XDH: variants seen among roughly 807,000 people sequenced by gnomAD.
XDH encodes the protein xanthine dehydrogenase.
Under a neutral mutation model 156.1 loss-of-function variants are expected in XDH, and 138 were observed. The ratio of observed to expected loss-of-function variants is 0.88; its 90% CI spans 0.77 to 1.02. XDH has a LOEUF of 1.02. Ranked by LOEUF, XDH falls within the 50% of genes least tolerant of loss-of-function variation. The pLI is 0.00. For missense variants in XDH, 1,849 were observed against 1,684.9 expected, an observed-to-expected ratio of 1.10 and a Z score of -1.71; for synonymous variants, 669 against 625.7, an observed-to-expected ratio of 1.07 and a Z score of -1.03.
rs754244569 is a variant in XDH at position 31,377,144 on chromosome 2, T to C, written c.1336A>G (p.Thr446Ala). ...AGGGCCAGCTCCTGTACCTCTGTGG[T>C]TCCTGGCTTGAATAAAACTCTCATG... ...SGMRVLFKPG[T>A]TEVQELALCY... is the part of the protein sequence containing the mutation. The change falls in exon 14 of 36, where the codon ACC becomes GCC. Residue 446 changes from threonine to alanine, a missense_variant. Transcript: ENST00000379416. 2 of 1,614,176 alleles carry C rather than the reference T, an allele frequency of 1.2e-6. No individual in the cohort carries two copies. Among genetic ancestry groups the C allele is most frequent in the East Asian group, 2.2e-5 (1 of 44,882 alleles).
intron 31 of XDH, among the ~76,000 whole-genome samples, chr2:31,342,734 GGT>G (rs1457130050): frequency 9.9e-5 from 1 of 10,100 alleles, no homozygotes; most frequent in Non-Finnish European, 1.6e-4. Context: ...ACCTTCTCAA[GGT>G]GAGAAAGTTA....
At chr2:31,375,219 A>C (rs1320803561) in intron 15 of XDH, among the ~76,000 whole-genome samples, 161 bp downstream of exon 15, 2 of 151,772 alleles carry the variant, frequency 1.3e-5, no homozygotes, top group Non-Finnish European at 2.9e-5. Context: ...CCTCTAAGCC[A>C]GCTGGTCACT....
In XDH at chr2:31,384,041, G is replaced by A. The variant is rs551896839; in HGVS notation, c.794-194C>T. ...TGGGATTAGATGCAGTCTTTGGACT[G>A]TCAGCCCAAAACTAGGTCTTTCTTT... On this transcript the variant is annotated intron_variant, in intron 9 of 35. Transcript: ENST00000379416. 6 of 610,248 alleles carry A rather than the reference G, an allele frequency of 9.8e-6. No homozygotes were observed. In the African/African-American group the frequency reaches 1.1e-4, roughly 11 times the overall value. The allele number at this position is 610,248 out of a possible 1,614,324, so 37.8% of individuals were successfully genotyped here.
chr2:31,381,953 G>T (rs1427004890), intron 11 of XDH, among the ~76,000 whole-genome samples: 1 of 152,188 alleles, frequency 6.6e-6, no homozygotes, highest in African/African-American at 2.4e-5. Flanking sequence ...TAAAATTTTA[G>T]CAGGCAAGCC....
chr2:31,348,827 G>T (rs1244262421), intron 27 of XDH, 72 bp downstream of exon 27: 3 of 1,405,198 alleles, frequency 2.1e-6, no homozygotes, highest in East Asian at 2.3e-5. Flanking sequence ...AATTTCCCTT[G>T]CAATACTGTA....
At chr2:31,361,341 T>G (rs1685771884) in intron 24 of XDH, among the ~76,000 whole-genome samples, 1 of 152,248 alleles carries the variant, frequency 6.6e-6, no homozygotes, top group Non-Finnish European at 1.5e-5. Flanking sequence ...ATTTCAGACT[T>G]TAGCCAGTTT....
intron 11 of XDH, among the ~76,000 whole-genome samples, chr2:31,382,695 G>T (rs1686471004): frequency 6.6e-6 from 1 of 152,176 alleles, no homozygotes; most frequent in South Asian, 2.1e-4. Context: ...GGGGAGGGAG[G>T]CAGGAAGCCT....
chr2:31,401,537 G>A (rs908807964), intron 3 of XDH, among the ~76,000 whole-genome samples: 2 of 152,182 alleles, frequency 1.3e-5, no homozygotes, highest in Non-Finnish European at 2.9e-5. Flanking sequence ...GTAAAGCTGA[G>A]CCCCTCCAGA....
chr2:31,349,413 G>A (rs1685395534), intron 26 of XDH, among the ~76,000 whole-genome samples: 1 of 152,162 alleles, frequency 6.6e-6, no homozygotes, highest in Admixed American at 6.5e-5. Flanking sequence ...TCCTAGGCCA[G>A]TGTTCTTTAT....
intron 2 of XDH, among the ~76,000 whole-genome samples, chr2:31,404,046 G>A (rs924445206): frequency 9.9e-5 from 15 of 151,962 alleles, no homozygotes; most frequent in Non-Finnish European, 2.1e-4. Flanking sequence ...AGAATGATTT[G>A]GTTAGCAGGT....
chr2:31,347,785 G>T, intron 28 of XDH, 135 bp from the exon 29 acceptor site: 1 of 1,227,116 alleles, frequency 8.1e-7, no homozygotes, highest in Non-Finnish European at 1.1e-6. Context: ...CATTGTCTGG[G>T]ATGTCCTTAC....
At chr2:31,364,395 C>T (rs1299826853) in intron 23 of XDH, 151 bp from the exon 24 acceptor site, 18 of 794,342 alleles carry the variant, frequency 2.3e-5, no homozygotes, top group Non-Finnish European at 3.2e-5. Flanking sequence ...CTTCAGAAGT[C>T]ACCAGAAGGT....
chr2:31,344,144 T>G (rs1685217843), intron 31 of XDH, among the ~76,000 whole-genome samples: 6 of 152,178 alleles, frequency 3.9e-5, no homozygotes, highest in Admixed American at 3.9e-4. Context: ...GTTGCAGAAG[T>G]CATACGCTCT....
chr2:31,391,264 A>C (rs1250604062), intron 6 of XDH, among the ~76,000 whole-genome samples: 1 of 152,178 alleles, frequency 6.6e-6, no homozygotes, highest in African/African-American at 2.4e-5. Context: ...CTTCTTTGTG[A>C]AACATCAGTT....
intron 6 of XDH, among the ~76,000 whole-genome samples, chr2:31,389,942 G>A (rs775866380): frequency 7.6e-4 from 115 of 151,964 alleles, no homozygotes; most frequent in Non-Finnish European, 1.5e-3. Context: ...CAACATACAC[G>A]CACAACCTTT....
chr2:31,386,575 T>C lies in XDH; in HGVS notation c.652-20A>G. The stretch of plus-strand genomic sequence containing the variant: ...CAGCCTCTGGGAAATGCAGTTTTCT[T>C]ACTACACTGTCTCCCTCTTCCTACT... On this transcript the variant is annotated intron_variant, in intron 8 of 35. Coordinates refer to ENST00000379416, the MANE Select transcript of XDH (RefSeq NM_000379.4). 6.2e-7 allele frequency: 1 copy of C among 1,614,096 alleles called. No homozygotes were observed. The highest frequency in any genetic ancestry group is 8.5e-7 in the Non-Finnish European group (1 of 1,180,018).
At chr2:31,389,440 C>G (rs910509483) in intron 6 of XDH, among the ~76,000 whole-genome samples, 1 of 152,170 alleles carries the variant, frequency 6.6e-6, no homozygotes, top group South Asian at 2.1e-4. Context: ...AGCCTCCCCC[C>G]AGCCAGCCAC....
chr2:31,365,992 C>T lies in XDH; in HGVS notation c.2440G>A (p.Ala814Thr), dbSNP rs1217651716. The change falls in exon 22 of 36, where the codon GCC (alanine) becomes ACC (threonine). Residue 814 changes from alanine (A) to threonine (T), a missense_variant. Transcript: ENST00000379416. ...GGAACTCACTTATATGCAGCCAGGG[C>T]CACTGCCGTGGACACCACAGTGCTC... ...TRSTVVSTAV[A>T]LAAYKTGRPV... 1 of 1,614,184 alleles carries T rather than the reference C, an allele frequency of 6.2e-7. No homozygotes were observed. Among genetic ancestry groups the T allele is most frequent in the Non-Finnish European group, 8.5e-7 (1 of 1,180,026 alleles).
At chr2:31,338,645 C>G (rs1572506672) in intron 34 of XDH, among the ~76,000 whole-genome samples, 4 of 151,084 alleles carry the variant, frequency 2.6e-5, no homozygotes, top group Admixed American at 2.6e-4. Context: ...CAATTTTCAA[C>G]CATTTTTTCA....
Sources: gnomAD v4.1 joint callset for allele counts (sites outside exome capture counted in the v4.1 genomes callset) on GRCh38, gnomAD v4.1.1 for gene constraint, MANE v1.5 for transcripts, NCBI Gene and HGNC (gene_info 2026-07-23, HGNC 2026-07-21) for gene names.